Variants in SMYD3 observed in about 807,000 individuals in gnomAD.
SMYD3 encodes the protein SET and MYND domain containing 3.
In SMYD3, 36 loss-of-function variants were observed where a neutral mutation model predicts 57.7. That is an observed-to-expected ratio of 0.62 (90% CI 0.48 to 0.82). The LOEUF is 0.82. SMYD3 is among the 40% of genes least tolerant of loss of function. SMYD3 has a pLI of 0.00. For synonymous variants in SMYD3, 211 were observed against 195.0 expected (o/e 1.08, Z -0.68); for missense variants, 515 against 538.8 (o/e 0.96, Z 0.44).
At chr1:246,019,531 A>G (rs2059432905) in intron 5 of SMYD3, among the ~76,000 whole-genome samples, 1 of 152,210 alleles carries the variant, frequency 6.6e-6, no homozygotes, top group Non-Finnish European at 1.5e-5. Context: ...CAAAAAGACC[A>G]ACCAAAAAAA....
intron 8 of SMYD3, among the ~76,000 whole-genome samples, chr1:245,907,865 T>G (rs2054680335): frequency 6.6e-6 from 1 of 152,154 alleles, no homozygotes; most frequent in Admixed American, 6.5e-5. Flanking sequence ...TGGCCAGGCA[T>G]GGTGGCTCAC....
intron 5 of SMYD3, among the ~76,000 whole-genome samples, chr1:245,963,676 A>C (rs1558538981): frequency 6.6e-6 from 1 of 152,200 alleles, no homozygotes; most frequent in Admixed American, 6.5e-5. Context: ...GAAAAAAGAA[A>C]AAGAAAAAAA....
At chr1:246,269,543 CTTTT>C (rs570972296) in intron 5 of SMYD3, among the ~76,000 whole-genome samples, 2 of 135,222 alleles carry the variant, frequency 1.5e-5, no homozygotes, top group African/African-American at 5.4e-5. Context: ...CTTTTTTTTT[CTTTT>C]TTTTTTTTGT....
At chr1:246,221,221 A>G (rs982803655) in intron 5 of SMYD3, among the ~76,000 whole-genome samples, 1 of 152,122 alleles carries the variant, frequency 6.6e-6, no homozygotes, top group East Asian at 1.9e-4. Context: ...TCTGCTAAGG[A>G]GCTGAACGCT....
At chr1:246,043,040 C>G (rs1053992599) in intron 5 of SMYD3, among the ~76,000 whole-genome samples, 4 of 152,016 alleles carry the variant, frequency 2.6e-5, no homozygotes, top group African/African-American at 7.2e-5. Context: ...TCTCTTTTTT[C>G]AGCCATTGTC....
chr1:246,396,458 G>T (rs2066674676), intron 1 of SMYD3, among the ~76,000 whole-genome samples: 1 of 152,146 alleles, frequency 6.6e-6, no homozygotes, highest in Non-Finnish European at 1.5e-5. Flanking sequence ...TTCTGGATCA[G>T]AACTGGATAT....
chr1:246,268,324 T>C (rs909182533), intron 5 of SMYD3, among the ~76,000 whole-genome samples: 1 of 152,144 alleles, frequency 6.6e-6, no homozygotes, highest in Non-Finnish European at 1.5e-5. Context: ...AGTTTACAAA[T>C]GCCATGGCAA....
rs112484193 is a variant in SMYD3 at position 246,177,612 on chromosome 1, G to T, written c.531+149589C>A. Among the ~76,000 whole-genome samples the T allele has an allele frequency of 1.6e-3, 247 of 152,316 alleles. 1 individual carries two copies. Among genetic ancestry groups the T allele is most frequent in the African/African-American group, 5.5e-3 (229 of 41,584 alleles). On this transcript the variant is annotated intron_variant, in intron 5 of 11. Coordinates refer to ENST00000490107, the MANE Select transcript of SMYD3 (RefSeq NM_001167740.2). The stretch of plus-strand genomic sequence containing the variant: ...GTAGGTATATTAAATGAGCAAGGAA[G>T]GAGTGGAACTGTTGAAAGGTGGGGT...
intron 5 of SMYD3, among the ~76,000 whole-genome samples, chr1:246,233,613 T>C (rs1330159775): frequency 3.8e-5 from 4 of 106,616 alleles, no homozygotes; most frequent in Admixed American, 2.1e-4. Context: ...GATGAACATA[T>C]ACCACACAGA....
At chr1:246,224,841 A>T (rs1169879245) in intron 5 of SMYD3, among the ~76,000 whole-genome samples, 1 of 152,056 alleles carries the variant, frequency 6.6e-6, no homozygotes, top group Non-Finnish European at 1.5e-5. Context: ...AGATTTTTGT[A>T]CTGAGCACTT....
intron 1 of SMYD3, among the ~76,000 whole-genome samples, chr1:246,494,557 C>A (rs1056116431): frequency 2.0e-5 from 3 of 152,154 alleles, no homozygotes; most frequent in Admixed American, 2.0e-4. Flanking sequence ...TAAGTTTTCA[C>A]CACTAAAACT....
At chr1:246,369,494 C>G (rs1172617350) in intron 1 of SMYD3, among the ~76,000 whole-genome samples, 1 of 152,156 alleles carries the variant, frequency 6.6e-6, no homozygotes, top group Non-Finnish European at 1.5e-5. Context: ...TGTACAGACT[C>G]ATAGGAAAAT....
At chr1:245,974,225 C>A (rs1270177326) in intron 5 of SMYD3, among the ~76,000 whole-genome samples, 2 of 152,118 alleles carry the variant, frequency 1.3e-5, no homozygotes, top group South Asian at 4.1e-4. Flanking sequence ...TGACATTTTT[C>A]AAATTTAATA....
chr1:245,861,142 C>T (rs575066231), intron 9 of SMYD3, among the ~76,000 whole-genome samples: 23 of 152,284 alleles, frequency 1.5e-4, no homozygotes, highest in Admixed American at 1.3e-3. Context: ...GCAAAACACC[C>T]CAGTGAGCCA....
chr1:245,749,631 C>G lies in SMYD3; in HGVS notation c.1219G>C (p.Glu407Gln), dbSNP rs1256585246. Residue 407 changes from glutamate (E) to glutamine (Q), a missense_variant, in exon 12 of 12, where the codon GAA becomes CAA. By Grantham distance (29) the Glu-to-Gln change is conservative. Coordinates refer to ENST00000490107, the MANE Select transcript of SMYD3 (RefSeq NM_001167740.2). ...ATCAAATCTTCAATCAGGCTGTGTT[C>G]TCTGCCATGTGTCACTCTCATAATA... is the stretch of plus-strand genomic sequence containing the variant. ...FDIMRVTHGR[E>Q]HSLIEDLILL... 5.0e-6 allele frequency: 8 copies of G among 1,614,052 alleles called. No individual in the cohort carries two copies. Among genetic ancestry groups the G allele is most frequent in the African/African-American group, 1.3e-5 (1 of 74,926 alleles).
chr1:246,341,836 T>G (rs2065637615), intron 2 of SMYD3, among the ~76,000 whole-genome samples: 1 of 152,138 alleles, frequency 6.6e-6, no homozygotes, highest in Non-Finnish European at 1.5e-5. Context: ...GGATATCCAT[T>G]TTAGGGTAGC....
intron 5 of SMYD3, among the ~76,000 whole-genome samples, chr1:246,036,720 A>ATTTTTTTTTTTTTTTTTT (rs546300378): frequency 8.1e-5 from 9 of 110,528 alleles, no homozygotes; most frequent in Non-Finnish European, 1.4e-4. Context: ...AGCCCGGCTA[A>ATTTTTTTTTTTTTTTTTT]TTTTTTTTTT....
intron 5 of SMYD3, among the ~76,000 whole-genome samples, chr1:245,981,955 T>G (rs1248322633): frequency 6.6e-6 from 1 of 152,240 alleles, no homozygotes; most frequent in Admixed American, 6.5e-5. Context: ...CCCTCCAGCC[T>G]GGCTCTGGGT....
intron 5 of SMYD3, among the ~76,000 whole-genome samples, chr1:246,054,128 C>T (rs1480118989): frequency 6.6e-6 from 1 of 152,020 alleles, no homozygotes; most frequent in Non-Finnish European, 1.5e-5. Context: ...AAATACTTCT[C>T]AAAAGAAAAG....
Sources: gnomAD v4.1 joint callset for allele counts (sites outside exome capture counted in the v4.1 genomes callset) on GRCh38, gnomAD v4.1.1 for gene constraint, MANE v1.5 for transcripts, NCBI Gene and HGNC (gene_info 2026-07-23, HGNC 2026-07-21) for gene names.